The following FGF12 variants were observed in gnomAD, a reference collection of about 807,000 sequenced individuals.
FGF12 encodes fibroblast growth factor 12B.
Under a neutral mutation model 23.6 loss-of-function variants are expected in FGF12, and 14 were observed. That is an observed-to-expected ratio of 0.59 (90% CI 0.39 to 0.93). The LOEUF (loss-of-function observed/expected upper bound fraction) is 0.93, where lower values mean the gene tolerates loss of function less well. Among genes scored for constraint, FGF12 ranks in the 40% least tolerant of loss-of-function variants. The probability of loss-of-function intolerance (pLI) is 0.00; values close to 1 mark genes in which losing one functional copy is unlikely to be tolerated. For missense variants in FGF12, 175 were observed against 217.8 expected, an observed-to-expected ratio of 0.80 and a Z score of 1.24; for synonymous variants, 62 against 77.3, an observed-to-expected ratio of 0.80 and a Z score of 1.04.
At chr3:192,246,798 C>T (rs1192862855) in intron 4 of FGF12, among the ~76,000 whole-genome samples, 1 of 137,596 alleles carries the variant, frequency 7.3e-6, no homozygotes, top group African/African-American at 2.7e-5. Context: ...GTACTCCAGC[C>T]TGGGTGACAA....
intron 5 of FGF12, among the ~76,000 whole-genome samples, chr3:192,155,838 T>A (rs544880529): frequency 6.6e-6 from 1 of 152,306 alleles, no homozygotes; most frequent in Admixed American, 6.5e-5. Context: ...ACTCTTAAAC[T>A]GTGGTTCTCA....
intron 2 of FGF12, among the ~76,000 whole-genome samples, chr3:192,503,423 G>A (rs73071870): frequency 0.039 from 5,988 of 152,038 alleles, 397 homozygotes; most frequent in African/African-American, 0.14. Context: ...AAAAATCAGT[G>A]ATCCAAAATC....
At chr3:192,558,671 T>C (rs1032217610) in intron 2 of FGF12, among the ~76,000 whole-genome samples, 2 of 151,930 alleles carry the variant, frequency 1.3e-5, no homozygotes, top group African/African-American at 4.8e-5. Flanking sequence ...AGAATAAAGC[T>C]GGAAGCTTCA....
At chr3:192,628,776 C>T (rs531882988) in intron 2 of FGF12, among the ~76,000 whole-genome samples, 94 of 150,580 alleles carry the variant, frequency 6.2e-4, no homozygotes, top group African/African-American at 2.0e-3. Flanking sequence ...TAAAAGTTGA[C>T]GCAAAAGTAA....
intron 2 of FGF12, among the ~76,000 whole-genome samples, chr3:192,440,437 T>A (rs1437037035): frequency 2.6e-5 from 4 of 152,054 alleles, no homozygotes; most frequent in Admixed American, 2.6e-4. Flanking sequence ...ATTAGTCAGA[T>A]GGGATTTGGG....
At chr3:192,264,242 T>TA (rs1449171911) in intron 4 of FGF12, among the ~76,000 whole-genome samples, 2 of 152,094 alleles carry the variant, frequency 1.3e-5, no homozygotes, top group Non-Finnish European at 2.9e-5. Flanking sequence ...ACACGATAAC[T>TA]AAATTGACCT....
intron 2 of FGF12, among the ~76,000 whole-genome samples, chr3:192,661,403 A>G (rs1716667063): frequency 6.6e-6 from 1 of 152,124 alleles, no homozygotes; most frequent in African/African-American, 2.4e-5. Flanking sequence ...GGGATTAAAA[A>G]TAATCCCAGC....
At chr3:192,683,686 C>T (rs1717626409) in intron 2 of FGF12, among the ~76,000 whole-genome samples, 1 of 152,106 alleles carries the variant, frequency 6.6e-6, no homozygotes, top group African/African-American at 2.4e-5. Context: ...TAAAGCCCTG[C>T]CTAATATATC....
chr3:192,703,021 T>G (rs1037082078), intron 2 of FGF12, among the ~76,000 whole-genome samples: 2 of 152,226 alleles, frequency 1.3e-5, no homozygotes, highest in African/African-American at 2.4e-5. Flanking sequence ...AAAGTCTGTT[T>G]AATATTTAAA....
At chr3:192,192,881 T>G (rs1473119609) in intron 4 of FGF12, among the ~76,000 whole-genome samples, 2 of 152,200 alleles carry the variant, frequency 1.3e-5, no homozygotes, top group Non-Finnish European at 2.9e-5. Flanking sequence ...TTATTTTAAG[T>G]AGGAAGCATT....
At chr3:192,640,599 C>A (rs888320161) in intron 2 of FGF12, among the ~76,000 whole-genome samples, 8 of 152,102 alleles carry the variant, frequency 5.3e-5, no homozygotes, top group African/African-American at 1.9e-4. Context: ...ACATGGCCTG[C>A]CAGTGTCCAC....
At chr3:192,292,512 G>A (rs1199281233) in intron 4 of FGF12, among the ~76,000 whole-genome samples, 1 of 151,950 alleles carries the variant, frequency 6.6e-6, no homozygotes, top group African/African-American at 2.4e-5. Flanking sequence ...TTTCTACATT[G>A]TCTTACTTAT....
intron 4 of FGF12, among the ~76,000 whole-genome samples, chr3:192,305,695 T>TATATATATATATAA (rs1299668639): frequency 9.1e-4 from 132 of 144,752 alleles, no homozygotes; most frequent in African/African-American, 3.1e-3. Context: ...TATATATATA[T>TATATATATATATAA]AAATATATAT....
intron 2 of FGF12, among the ~76,000 whole-genome samples, chr3:192,587,197 T>C (rs1164136564): frequency 6.6e-6 from 1 of 152,042 alleles, no homozygotes; most frequent in Non-Finnish European, 1.5e-5. Context: ...CTGGTAGTAA[T>C]GGAGCCACTT....
At chr3:192,588,973 G>C (rs2108620553) in intron 2 of FGF12, among the ~76,000 whole-genome samples, 1 of 152,044 alleles carries the variant, frequency 6.6e-6, no homozygotes, top group Middle Eastern at 3.4e-3. Flanking sequence ...AGACTAATAG[G>C]GATGTGTGTG....
At chr3:192,647,351 T>G (rs968168843) in intron 2 of FGF12, among the ~76,000 whole-genome samples, 1 of 152,062 alleles carries the variant, frequency 6.6e-6, no homozygotes, top group Non-Finnish European at 1.5e-5. Flanking sequence ...TGTTTTGCAC[T>G]CCATTTATTC....
At chr3:192,564,255 G>C (rs1712180644) in intron 2 of FGF12, among the ~76,000 whole-genome samples, 1 of 151,978 alleles carries the variant, frequency 6.6e-6, no homozygotes, top group South Asian at 2.1e-4. Flanking sequence ...GTAGAGACGG[G>C]GTTTCTCCAT....
chr3:192,229,453 C>A (rs969651359), intron 4 of FGF12, among the ~76,000 whole-genome samples: 5 of 152,012 alleles, frequency 3.3e-5, no homozygotes, highest in Admixed American at 2.6e-4. Flanking sequence ...CTGTGTTTCT[C>A]TAAAACCTCA....
Position 192,258,018 on chromosome 3 carries a change from AT to A in FGF12, c.228+77342del, listed in dbSNP as rs1269808532. 2.8e-3 allele frequency among the ~76,000 whole-genome samples: 345 copies of A among 124,528 alleles called. 1 individual carries two copies. The highest frequency in any genetic ancestry group is 4.5e-3 in the Admixed American group (53 of 11,796). The allele number at this position is 124,528 out of a possible 152,430, so 81.7% of individuals were successfully genotyped here. A position where few individuals can be genotyped will look rare whatever the true frequency, so the allele number is the denominator to read the frequency against. ...TGCATATTGGTAAGGTAGTGGTAAA[AT>A]TTAAAAAAAAAAAAAAAAGCAAAAC... On this transcript the variant is annotated intron_variant, in intron 4 of 5. Transcript: ENST00000445105.
Sources: allele counts gnomAD v4.1 joint callset (sites outside exome capture counted in the v4.1 genomes callset), GRCh38; gene constraint gnomAD v4.1.1; transcripts MANE v1.5; gene names NCBI Gene and HGNC (gene_info 2026-07-23, HGNC 2026-07-21).